ASPRV1: variants seen among roughly 807,000 people sequenced by gnomAD.
ASPRV1 encodes the protein retroviral-like aspartic protease 1.
ASPRV1 carries 7 observed loss-of-function variants against 11.0 expected under a neutral mutation model. That is an observed-to-expected ratio of 0.64 (90% CI 0.36 to 1.20). ASPRV1 has a LOEUF of 1.20. ASPRV1 is among the 50% of genes most tolerant of loss of function. The probability of loss-of-function intolerance (pLI) is 0.02; values close to 1 mark genes in which losing one functional copy is unlikely to be tolerated. For missense variants in ASPRV1, 299 were observed against 320.0 expected (o/e 0.93, Z 0.50); for synonymous variants, 136 against 138.4 (o/e 0.98, Z 0.12).
At chr2:69,971,970 C>T in the ASPRV1 span, among the ~76,000 whole-genome samples, 2 of 152,200 alleles carry the variant, frequency 1.3e-5, no homozygotes, top group African/African-American at 4.8e-5. Flanking sequence ...TCAAGCAATC[C>T]GTACCATGGG....
chr2:70,086,330 G>T, the ASPRV1 span: 2 of 152,262 alleles, frequency 1.3e-5, no homozygotes, highest in Admixed American at 1.3e-4. Flanking sequence ...GTAGCGCCAC[G>T]TTAGCCGCTT....
At chr2:69,990,256 TC>T in the ASPRV1 span, among the ~76,000 whole-genome samples, 45 of 152,310 alleles carry the variant, frequency 3.0e-4, no homozygotes, top group African/African-American at 1.1e-3. Context: ...AGATCTTGGC[TC>T]ACTGCAACCT....
At chr2:69,963,772 G>A (rs543822719), upstream of ASPRV1, among the ~76,000 whole-genome samples, 7 of 152,254 alleles carry the variant, frequency 4.6e-5, no homozygotes, top group South Asian at 1.5e-3. Flanking sequence ...AAGAAGACCA[G>A]CTCCGCTCCA....
At chr2:69,981,649 C>T in the ASPRV1 span, among the ~76,000 whole-genome samples, 8 of 152,256 alleles carry the variant, frequency 5.3e-5, no homozygotes, top group Admixed American at 3.3e-4. Context: ...CTCCGCCTCC[C>T]GGGTTCGAGC....
At chr2:69,984,249 G>C in the ASPRV1 span, among the ~76,000 whole-genome samples, 1 of 152,096 alleles carries the variant, frequency 6.6e-6, no homozygotes. Context: ...ATGTTGGCCA[G>C]GCTGGTCTCA....
the ASPRV1 span, among the ~76,000 whole-genome samples, chr2:69,990,207 A>T: frequency 6.6e-6 from 1 of 152,054 alleles, no homozygotes; most frequent in Non-Finnish European, 1.5e-5. Context: ...TTTTTGAAAC[A>T]GAGTCTCACT....
the ASPRV1 span, chr2:69,939,040 C>T: frequency 2.6e-5 from 4 of 152,508 alleles, no homozygotes; most frequent in African/African-American, 9.7e-5. Context: ...CACATTCTCC[C>T]CTCCAACTTT....
chr2:69,933,832 A>C, the ASPRV1 span, among the ~76,000 whole-genome samples: 1 of 152,218 alleles, frequency 6.6e-6, no homozygotes, highest in African/African-American at 2.4e-5. Context: ...AATTCTTAAG[A>C]GGAAAAAGGG....
At chr2:70,067,887 A>T in the ASPRV1 span, among the ~76,000 whole-genome samples, 1 of 152,198 alleles carries the variant, frequency 6.6e-6, no homozygotes, top group African/African-American at 2.4e-5. Context: ...CTGTAAATTA[A>T]ATAATTTTTC....
chr2:70,062,809 G>C, the ASPRV1 span, among the ~76,000 whole-genome samples: 1 of 152,168 alleles, frequency 6.6e-6, no homozygotes, highest in African/African-American at 2.4e-5. Flanking sequence ...TCTAGAAAGA[G>C]AAGTCTGAAT....
chr2:70,081,776 G>T, the ASPRV1 span, among the ~76,000 whole-genome samples: 1 of 151,490 alleles, frequency 6.6e-6, no homozygotes, highest in African/African-American at 2.4e-5. Context: ...GTAGAGACAG[G>T]GTCTCACCAT....
upstream of ASPRV1, among the ~76,000 whole-genome samples, chr2:69,965,769 G>A (rs1031303686): frequency 1.3e-5 from 2 of 152,152 alleles, no homozygotes; most frequent in East Asian, 1.9e-4. Flanking sequence ...AAGGGCACAC[G>A]GGCAGGACAG....
the ASPRV1 span, among the ~76,000 whole-genome samples, chr2:70,061,082 A>G: frequency 6.6e-6 from 1 of 152,002 alleles, no homozygotes; most frequent in South Asian, 2.1e-4. Context: ...AAAAGGAGAT[A>G]ATGCTTACTT....
the ASPRV1 span, among the ~76,000 whole-genome samples, chr2:70,029,537 G>A: frequency 6.6e-6 from 1 of 152,128 alleles, no homozygotes; most frequent in South Asian, 2.1e-4. Context: ...TACTCAGGAG[G>A]CTAAGGCAGG....
At chr2:69,936,473 C>G in the ASPRV1 span, among the ~76,000 whole-genome samples, 2 of 152,134 alleles carry the variant, frequency 1.3e-5, no homozygotes, top group Non-Finnish European at 2.9e-5. Flanking sequence ...GAGCCACAGC[C>G]AAAATCCCTG....
chr2:69,971,755 T>A, the ASPRV1 span, among the ~76,000 whole-genome samples: 1 of 152,118 alleles, frequency 6.6e-6, no homozygotes, highest in African/African-American at 2.4e-5. Context: ...CCTGCCAATC[T>A]CCGTCCTGGA....
At chr2:70,014,397 A>G in the ASPRV1 span, among the ~76,000 whole-genome samples, 3 of 152,222 alleles carry the variant, frequency 2.0e-5, no homozygotes, top group Non-Finnish European at 2.9e-5. Flanking sequence ...TACAAGCACA[A>G]TAAGCCCACA....
chr2:69,976,575 T>G, the ASPRV1 span: 1 of 152,288 alleles, frequency 6.6e-6, no homozygotes, highest in African/African-American at 2.4e-5. Context: ...TTTTAATTAT[T>G]TTTTGAATGC....
At chr2:70,059,441 G>C in the ASPRV1 span, among the ~76,000 whole-genome samples, 2 of 151,870 alleles carry the variant, frequency 1.3e-5, no homozygotes, top group South Asian at 2.1e-4. Context: ...TATCAGTTCT[G>C]CCATTTCCAA....
Sources: gnomAD v4.1 joint callset for allele counts (sites outside exome capture counted in the v4.1 genomes callset) on GRCh38, gnomAD v4.1.1 for gene constraint, MANE v1.5 for transcripts, NCBI Gene and HGNC (gene_info 2026-07-23, HGNC 2026-07-21) for gene names.